Variants in DENND4C observed in about 807,000 individuals in gnomAD.
DENND4C encodes the protein DENN domain-containing protein 4C.
Under a neutral mutation model 203.0 loss-of-function variants are expected in DENND4C, and 108 were observed. The observed-to-expected ratio is 0.53, with a 90% CI of 0.46 to 0.62. The LOEUF is 0.62. Among genes scored for constraint, DENND4C ranks in the 20% least tolerant of loss-of-function variants. The pLI is 0.00. For missense variants in DENND4C, 2,481 were observed against 2,301.2 expected, an observed-to-expected ratio of 1.08 and a Z score of -1.60; for synonymous variants, 871 against 792.4, an observed-to-expected ratio of 1.10 and a Z score of -1.67.
At chr9:19,344,041 A>C (rs1028072020) in intron 22 of DENND4C, among the ~76,000 whole-genome samples, 1 of 152,244 alleles carries the variant, frequency 6.6e-6, no homozygotes, top group South Asian at 2.1e-4. Flanking sequence ...GCTTAAAAGA[A>C]TATCTCTAAA....
rs1394437574 is a variant in DENND4C, at chr9:19,324,499, A to G, written c.1945A>G (p.Ile649Val). ...DTGLAFFDDC[I>V]EKLFPDKGTE... ...TGGATTAGCATTTTTTGATGACTGC[A>G]TAGAAAAGGTAAAAGTTTGTACTTA... The change falls in exon 13 of 33, where the codon ATA (isoleucine) becomes GTA (valine). Residue 649 changes from isoleucine to valine, a missense_variant. Physicochemically the swap from Ile to Val is conservative, Grantham distance 29. This residue lies in a region of DENND4C where 2,289 missense variants were observed against 2,113.3 expected (regional missense o/e 1.08). Coordinates refer to ENST00000434457, the MANE Select transcript of DENND4C (RefSeq NM_001330640.2). 3 of 1,603,568 alleles carry G rather than the reference A, an allele frequency of 1.9e-6. No homozygotes were observed. Among genetic ancestry groups the G allele is most frequent in the South Asian group, 1.1e-5 (1 of 88,926 alleles).
intron 1 of DENND4C, among the ~76,000 whole-genome samples, chr9:19,256,355 G>A (rs1827957136): frequency 1.5e-5 from 2 of 135,784 alleles, no homozygotes; most frequent in African/African-American, 2.8e-5. Flanking sequence ...TGTTGCCCAG[G>A]CTGGAGTGCA....
At chr9:19,332,954 G>A (rs1317747319) in intron 17 of DENND4C, among the ~76,000 whole-genome samples, 3 of 150,486 alleles carry the variant, frequency 2.0e-5, no homozygotes, top group Admixed American at 1.3e-4. Context: ...TAGGCTTTTA[G>A]TAAGTGGCTC....
At chr9:19,256,309 G>GTTTTTTTTTT (rs1165191635) in intron 1 of DENND4C, among the ~76,000 whole-genome samples, 3 of 84,880 alleles carry the variant, frequency 3.5e-5, no homozygotes, top group Non-Finnish European at 6.5e-5. Flanking sequence ...TTTTTTTTTT[G>GTTTTTTTTTT]TTTTTTTTTT....
Position 19,372,312 on chromosome 9 carries a change from T to C in DENND4C, c.*139T>C. 14 of 990,076 alleles carry C rather than the reference T, an allele frequency of 1.4e-5. No homozygotes were observed. The highest frequency in any genetic ancestry group is 2.0e-5 in the Non-Finnish European group (14 of 683,710). The allele number at this position is 990,076 out of a possible 1,614,324, so 61.3% of individuals were successfully genotyped here. A position where few individuals can be genotyped will look rare whatever the true frequency, so the allele number is the denominator to read the frequency against. On this transcript the variant is annotated 3_prime_UTR_variant, in exon 33 of 33. Coordinates refer to ENST00000434457, the MANE Select transcript of DENND4C (RefSeq NM_001330640.2). ...CTCTTGGGGACAATATATAATGAATTATGATTCATATTGCATTACCTTGAA... is the reference window on the plus strand; with the variant it reads ...CTCTTGGGGACAATATATAATGAATCATGATTCATATTGCATTACCTTGAA...
In DENND4C at chr9:19,372,361, C is replaced by A; in HGVS notation, c.*188C>A. 1.6e-6 allele frequency: 1 copy of A among 625,294 alleles called. No individual in the cohort carries two copies. The highest frequency in any genetic ancestry group is 2.5e-6 in the Non-Finnish European group (1 of 407,084). 38.7% of individuals were successfully genotyped at this position (625,294 alleles called of 1,614,324 possible). ...AAATATGAAGTGCCATTTGAATGTC[C>A]CAGGGCTTATTAATATTGAAGATTT... On this transcript the variant is annotated 3_prime_UTR_variant, in exon 33 of 33. Transcript: ENST00000434457.
At chr9:19,235,556 C>A (rs1230636366) in intron 1 of DENND4C, among the ~76,000 whole-genome samples, 3 of 150,310 alleles carry the variant, frequency 2.0e-5, no homozygotes. Flanking sequence ...TTCATTCAAA[C>A]CTAATTATCT....
chr9:19,356,144 T>A (rs1185707767), intron 26 of DENND4C, among the ~76,000 whole-genome samples: 1 of 152,136 alleles, frequency 6.6e-6, no homozygotes, highest in African/African-American at 2.4e-5. Context: ...ATTTACACTT[T>A]ACTATACTTA....
chr9:19,348,990 G>C (rs186741177), intron 23 of DENND4C, among the ~76,000 whole-genome samples: 101 of 152,146 alleles, frequency 6.6e-4, no homozygotes, highest in Admixed American at 3.1e-3. Context: ...ATTTTTTGTA[G>C]AGATAGGGTC....
intron 20 of DENND4C, among the ~76,000 whole-genome samples, chr9:19,339,597 A>G (rs924318409): frequency 3.3e-5 from 5 of 151,996 alleles, no homozygotes; most frequent in African/African-American, 9.7e-5. Flanking sequence ...TAGTCTCACT[A>G]TTGTCTGGTT....
At chr9:19,296,490 A>C (rs1280537457) in intron 6 of DENND4C, among the ~76,000 whole-genome samples, 1 of 150,846 alleles carries the variant, frequency 6.6e-6, no homozygotes, top group East Asian at 2.0e-4. Flanking sequence ...CAGCCTCCCG[A>C]GTAGCTGGGA....
intron 3 of DENND4C, among the ~76,000 whole-genome samples, chr9:19,287,509 T>A (rs1457511923): frequency 1.3e-5 from 2 of 151,270 alleles, no homozygotes; most frequent in Non-Finnish European, 2.9e-5. Context: ...GCCTCCCGAG[T>A]AGCTGGGACT....
intron 1 of DENND4C, among the ~76,000 whole-genome samples, chr9:19,267,267 ACTTTATATATCTGGGTGCTCCAGT>A (rs1479605415): frequency 7.2e-5 from 11 of 152,180 alleles, no homozygotes; most frequent in African/African-American, 2.7e-4. Flanking sequence ...AATAATGTTT[ACTTTATATATCTGGGTGCTCCAGT>A]GTTGGGTGCA....
At chr9:19,232,901 G>C (rs1352616046) in intron 1 of DENND4C, among the ~76,000 whole-genome samples, 1 of 152,122 alleles carries the variant, frequency 6.6e-6, no homozygotes, top group Admixed American at 6.5e-5. Context: ...GTATCTGCCA[G>C]TTAAGACCAA....
In DENND4C at chr9:19,372,468, T is replaced by C. The variant is rs1196907390; in HGVS notation, c.*295T>C. On this transcript the variant is annotated 3_prime_UTR_variant, in exon 33 of 33. Coordinates refer to ENST00000434457, the MANE Select transcript of DENND4C (RefSeq NM_001330640.2). ...ATTTGTAGTAGTTTGATAGAAATAA[T>C]GAGGAACCATATTCATTCTAGGCAT... 3.9e-6 allele frequency: 1 copy of C among 258,442 alleles called. No individual in the cohort carries two copies. The highest frequency in any genetic ancestry group is 7.3e-6 in the Non-Finnish European group (1 of 137,342). The allele number at this position is 258,442 out of a possible 1,614,324, so 16.0% of individuals were successfully genotyped here.
intron 30 of DENND4C, among the ~76,000 whole-genome samples, chr9:19,365,044 CAG>C (rs1827350474): frequency 1.3e-5 from 2 of 152,240 alleles, no homozygotes; most frequent in South Asian, 4.1e-4. Context: ...CTCTCAAAAA[CAG>C]TGGAGATTTT....
At chr9:19,237,914 A>G (rs915499793) in intron 1 of DENND4C, among the ~76,000 whole-genome samples, 1 of 152,126 alleles carries the variant, frequency 6.6e-6, no homozygotes, top group African/African-American at 2.4e-5. Flanking sequence ...GTAATTTCCT[A>G]GGGCTGCCAG....
chr9:19,288,222 A>G (rs1835602771), intron 3 of DENND4C, among the ~76,000 whole-genome samples: 1 of 152,246 alleles, frequency 6.6e-6, no homozygotes, highest in South Asian at 2.1e-4. Context: ...ACAATTAGTG[A>G]AGACAGGGTT....
At chr9:19,291,120 T>C (rs181493115) in intron 5 of DENND4C, among the ~76,000 whole-genome samples, 1 of 152,188 alleles carries the variant, frequency 6.6e-6, no homozygotes, top group Non-Finnish European at 1.5e-5. Context: ...AACCCAGGTG[T>C]CAAGATGAGA....
Sources: allele counts gnomAD v4.1 joint callset (sites outside exome capture counted in the v4.1 genomes callset), GRCh38; gene constraint gnomAD v4.1.1; regional missense constraint gnomAD v4.1.1; transcripts MANE v1.5; gene names NCBI Gene and HGNC (gene_info 2026-07-23, HGNC 2026-07-21).